NEGR1: variants seen among roughly 807,000 people sequenced by gnomAD.
NEGR1 encodes neuronal growth regulator 1.
In NEGR1, 10 loss-of-function variants were observed where a neutral mutation model predicts 40.9. That is an observed-to-expected ratio of 0.24 (90% CI 0.15 to 0.42). NEGR1 has a LOEUF of 0.42. NEGR1 is among the 10% of genes least tolerant of loss of function. The pLI, the probability that NEGR1 is intolerant of heterozygous loss-of-function variation, is 1.00. For synonymous variants in NEGR1, 185 were observed against 166.8 expected (o/e 1.11, Z -0.84); for missense variants, 352 against 438.9 (o/e 0.80, Z 1.77).
Position 71,977,134 on chromosome 1 carries a change from C to A in NEGR1, c.177-41823G>T, listed in dbSNP as rs555462941. 2.6e-5 allele frequency among the ~76,000 whole-genome samples: 4 copies of A among 152,070 alleles called. No individual in the cohort carries two copies. In the East Asian group the frequency reaches 7.7e-4, roughly 29 times the overall value. On this transcript the variant is annotated intron_variant, in intron 1 of 6. Coordinates refer to ENST00000357731, the MANE Select transcript of NEGR1 (RefSeq NM_173808.3). ...GGTCAGGAGTTTGAGACCAATCTGGCCAACATGGTGAAACCCTGTCTCCAC... is the reference window on the plus strand; with the variant it reads ...GGTCAGGAGTTTGAGACCAATCTGGACAACATGGTGAAACCCTGTCTCCAC...
chr1:71,452,965 T>C (rs775278096), intron 6 of NEGR1, among the ~76,000 whole-genome samples: 10 of 152,140 alleles, frequency 6.6e-5, no homozygotes, highest in African/African-American at 2.2e-4. Context: ...AAATAATACA[T>C]AGGTCATGAA....
intron 1 of NEGR1, among the ~76,000 whole-genome samples, chr1:72,035,235 C>G (rs898238674): frequency 6.6e-6 from 1 of 152,194 alleles, no homozygotes; most frequent in Non-Finnish European, 1.5e-5. Flanking sequence ...CCAGCTTTCT[C>G]TGCATGCGGA....
At chr1:72,274,848 C>T in intron 1 of NEGR1, 1 of 1,572,172 alleles carries the variant, frequency 6.4e-7, no homozygotes, top group Non-Finnish European at 8.8e-7. Context: ...TCAGCCACCC[C>T]ATCAAGAACA....
intron 4 of NEGR1, among the ~76,000 whole-genome samples, chr1:71,625,284 A>G (rs766014962): frequency 7.3e-5 from 11 of 151,624 alleles, no homozygotes; most frequent in Non-Finnish European, 1.2e-4. Context: ...ACTTACATGA[A>G]TACACACAGA....
chr1:72,277,576 T>C (rs1284264919), intron 1 of NEGR1, among the ~76,000 whole-genome samples: 4 of 152,278 alleles, frequency 2.6e-5, no homozygotes, highest in Non-Finnish European at 5.9e-5. Context: ...ATCTTGCCAA[T>C]AGAACAGTTC....
chr1:71,648,142 G>T (rs1651593653), intron 4 of NEGR1, among the ~76,000 whole-genome samples: 1 of 151,818 alleles, frequency 6.6e-6, no homozygotes, highest in Admixed American at 6.6e-5. Context: ...AATGCTTTGG[G>T]GTCTAAAATA....
intron 1 of NEGR1, among the ~76,000 whole-genome samples, chr1:72,136,785 G>T (rs759472740): frequency 2.6e-5 from 4 of 151,776 alleles, no homozygotes; most frequent in Non-Finnish European, 5.9e-5. Flanking sequence ...CACAGCAAAA[G>T]AAACTATCAG....
chr1:71,984,747 T>C (rs1403292983), intron 1 of NEGR1, among the ~76,000 whole-genome samples: 1 of 152,132 alleles, frequency 6.6e-6, no homozygotes, highest in Non-Finnish European at 1.5e-5. Context: ...AATATTATTT[T>C]TCAGAGAAAT....
chr1:72,163,845 A>G (rs945730812), intron 1 of NEGR1, among the ~76,000 whole-genome samples: 4 of 152,044 alleles, frequency 2.6e-5, no homozygotes, highest in African/African-American at 9.7e-5. Flanking sequence ...CATATTTTCC[A>G]TTAGTAACTG....
chr1:71,424,374 C>T (rs1408132378), intron 6 of NEGR1, among the ~76,000 whole-genome samples: 1 of 152,076 alleles, frequency 6.6e-6, no homozygotes, highest in Admixed American at 6.6e-5. Context: ...TAGTATGTAC[C>T]TGTGCACAGA....
At chr1:72,217,965 T>C (rs1415724283) in intron 1 of NEGR1, among the ~76,000 whole-genome samples, 1 of 151,856 alleles carries the variant, frequency 6.6e-6, no homozygotes, top group Non-Finnish European at 1.5e-5. Flanking sequence ...CATGTTATCA[T>C]TTAGCTGAGT....
intron 1 of NEGR1, among the ~76,000 whole-genome samples, chr1:72,266,724 AACACACAC>A (rs3082237): frequency 9.1e-4 from 122 of 133,796 alleles, no homozygotes; most frequent in Admixed American, 2.2e-3. Context: ...TAGACAGATA[AACACACAC>A]ACACACACAC....
chr1:71,800,056 G>A (rs1657499082), intron 2 of NEGR1, among the ~76,000 whole-genome samples: 1 of 152,082 alleles, frequency 6.6e-6, no homozygotes, highest in African/African-American at 2.4e-5. Flanking sequence ...GGCATGAGAT[G>A]GTACCCCATT....
intron 1 of NEGR1, among the ~76,000 whole-genome samples, chr1:72,243,176 C>A (rs1027067191): frequency 1.3e-4 from 20 of 151,672 alleles, no homozygotes; most frequent in Admixed American, 5.9e-4. Flanking sequence ...TCATACAACT[C>A]TTTTAAATAA....
intron 3 of NEGR1, among the ~76,000 whole-genome samples, chr1:71,762,718 T>C (rs1402117915): frequency 6.6e-6 from 1 of 152,148 alleles, no homozygotes; most frequent in Non-Finnish European, 1.5e-5. Context: ...TGGCAGTACA[T>C]AACCTTTGTA....
intron 4 of NEGR1, among the ~76,000 whole-genome samples, chr1:71,680,459 T>C (rs1652802075): frequency 6.6e-6 from 1 of 152,146 alleles, no homozygotes; most frequent in Admixed American, 6.6e-5. Flanking sequence ...ATTCTGTCTC[T>C]ATTTCATTTC....
At chr1:72,122,191 A>C (rs972305751) in intron 1 of NEGR1, among the ~76,000 whole-genome samples, 2 of 152,046 alleles carry the variant, frequency 1.3e-5, no homozygotes, top group African/African-American at 4.8e-5. Context: ...AAATTAGAAC[A>C]TGCTGTCTTC....
intron 1 of NEGR1, among the ~76,000 whole-genome samples, chr1:72,184,310 C>A (rs950004355): frequency 1.3e-5 from 2 of 152,014 alleles, no homozygotes; most frequent in African/African-American, 4.8e-5. Context: ...GTTCAGACTG[C>A]AGAACGCAGA....
chr1:71,867,387 G>A (rs1660148802), intron 2 of NEGR1, among the ~76,000 whole-genome samples: 1 of 152,142 alleles, frequency 6.6e-6, no homozygotes, highest in Non-Finnish European at 1.5e-5. Flanking sequence ...GAGGGGACGA[G>A]GGGATTCAAA....
Sources: gnomAD v4.1 joint callset for allele counts (sites outside exome capture counted in the v4.1 genomes callset) on GRCh38, gnomAD v4.1.1 for gene constraint, MANE v1.5 for transcripts, NCBI Gene and HGNC (gene_info 2026-07-23, HGNC 2026-07-21) for gene names.